The following TFCP2L1 variants were observed in gnomAD, a reference collection of about 807,000 sequenced individuals.
TFCP2L1 encodes transcription factor CP2-like protein 1.
In TFCP2L1, 12 loss-of-function variants were observed where a neutral mutation model predicts 72.2. That is an observed-to-expected ratio of 0.17 (90% CI 0.11 to 0.27). TFCP2L1 has a LOEUF of 0.27. Ranked by LOEUF, TFCP2L1 falls within the 10% of genes least tolerant of loss-of-function variation. The probability of loss-of-function intolerance (pLI) is 1.00; values close to 1 mark genes in which losing one functional copy is unlikely to be tolerated. For missense variants in TFCP2L1, 488 were observed against 624.6 expected (o/e 0.78, Z 2.33); for synonymous variants, 260 against 251.0 (o/e 1.04, Z -0.34).
At chr2:121,278,689 G>GAAGA (rs1304462369) in intron 2 of TFCP2L1, among the ~76,000 whole-genome samples, 1 of 121,754 alleles carries the variant, frequency 8.2e-6, no homozygotes, top group Non-Finnish European at 1.7e-5. Flanking sequence ...GTCTCAAAAA[G>GAAGA]AAGAAAGAAA....
intron 2 of TFCP2L1, among the ~76,000 whole-genome samples, chr2:121,275,347 C>T (rs1181449573): frequency 7.9e-5 from 11 of 138,950 alleles, no homozygotes; most frequent in Non-Finnish European, 1.2e-4. Context: ...GGCAGTGAGC[C>T]GAGATCGCGC....
In TFCP2L1 at chr2:121,285,174, A is replaced by G. The variant is rs13415738; in HGVS notation, c.-65T>C. ...AGCGCAGACGCGGGGCGCGCCGAGG[A>G]CCCAGCGGCGGCTTCGCGCTCCGAA... On this transcript the variant is annotated 5_prime_UTR_variant, in exon 1 of 15. Coordinates refer to ENST00000263707, the MANE Select transcript of TFCP2L1 (RefSeq NM_014553.3). 1.5e-6 allele frequency: 2 copies of G among 1,343,604 alleles called. No homozygotes were observed. Among genetic ancestry groups the G allele is most frequent in the Admixed American group, 3.7e-5 (1 of 27,164 alleles). The allele number at this position is 1,343,604 out of a possible 1,614,324, so 83.2% of individuals were successfully genotyped here.
In TFCP2L1 at chr2:121,223,359, G is replaced by C. The variant is rs1331525677; in HGVS notation, c.*982C>G. The stretch of plus-strand genomic sequence containing the variant: ...CCTAAACATAGCCTCTACAAACAAA[G>C]ATAAACATGTAAGTGAGGGGCACTC... On this transcript the variant is annotated 3_prime_UTR_variant, in exon 15 of 15. Transcript: ENST00000263707. The C allele has an allele frequency of 6.6e-6, 1 of 152,170 alleles. No individual in the cohort carries two copies. Among genetic ancestry groups the C allele is most frequent in the East Asian group, 1.9e-4 (1 of 5,192 alleles). 9.4% of individuals were successfully genotyped at this position (152,170 alleles called of 1,614,324 possible). A position where few individuals can be genotyped will look rare whatever the true frequency, so the allele number is the denominator to read the frequency against.
chr2:121,231,739 C>A, intron 13 of TFCP2L1, 87 bp downstream of exon 13: 1 of 1,552,710 alleles, frequency 6.4e-7, no homozygotes, highest in Non-Finnish European at 8.7e-7. Flanking sequence ...CACTCCCAAA[C>A]CCAAGTGTGT....
At chr2:121,246,151 T>A (rs1005536229) in intron 6 of TFCP2L1, among the ~76,000 whole-genome samples, 1 of 152,178 alleles carries the variant, frequency 6.6e-6, no homozygotes, top group African/African-American at 2.4e-5. Context: ...ATTGCCCTCA[T>A]GCCCTGAGAA....
rs1685974495 is a variant in TFCP2L1, at chr2:121,224,011, C to A, written c.*330G>T. On this transcript the variant is annotated 3_prime_UTR_variant, in exon 15 of 15. Coordinates refer to ENST00000263707, the MANE Select transcript of TFCP2L1 (RefSeq NM_014553.3). The stretch of plus-strand genomic sequence containing the variant: ...AGGCAGCACCAAGATACCCAATCAG[C>A]TTCCAACTAAGGGATGAGGGATTTC... 2 of 361,706 alleles carry A rather than the reference C, an allele frequency of 5.5e-6. No individual in the cohort carries two copies. The highest frequency in any genetic ancestry group is 1.0e-5 in the Non-Finnish European group (2 of 195,866). 22.4% of individuals were successfully genotyped at this position (361,706 alleles called of 1,614,324 possible). A position where few individuals can be genotyped will look rare whatever the true frequency, so the allele number is the denominator to read the frequency against.
chr2:121,271,992 T>C (rs552371697), intron 2 of TFCP2L1, among the ~76,000 whole-genome samples: 1 of 152,246 alleles, frequency 6.6e-6, no homozygotes, highest in African/African-American at 2.4e-5. Context: ...CAAAGCTTCA[T>C]CCACCCTCCC....
At chr2:121,246,483 C>A (rs899403829) in intron 6 of TFCP2L1, among the ~76,000 whole-genome samples, 1 of 128,548 alleles carries the variant, frequency 7.8e-6, no homozygotes, top group Non-Finnish European at 1.7e-5. Flanking sequence ...CTGTAATGTG[C>A]TTGGGAGAAA....
Position 121,285,077 on chromosome 2 carries a change from G to A in TFCP2L1, c.33C>T (p.Tyr11=). 3 of 1,525,992 alleles carry A rather than the reference G, an allele frequency of 2.0e-6. No homozygotes were observed. Among genetic ancestry groups the A allele is most frequent in the Non-Finnish European group, 1.8e-6 (2 of 1,139,458 alleles). 94.5% of individuals were successfully genotyped at this position (1,525,992 alleles called of 1,614,324 possible). MLFWHTQPEH[Y]NQHNSGSYLR... ...GGTAGCTGCCGGAGTTGTGCTGGTT[G>A]TAGTGCTCGGGCTGCGTGTGCCAGA... is the stretch of plus-strand genomic sequence containing the variant. Residue 11 remains tyrosine (Y), a synonymous_variant, in exon 1 of 15, where the codon TAC becomes TAT. Coordinates refer to ENST00000263707, the MANE Select transcript of TFCP2L1 (RefSeq NM_014553.3).
rs1233144235 is a variant in TFCP2L1, at chr2:121,223,835, C to T, written c.*506G>A. On this transcript the variant is annotated 3_prime_UTR_variant, in exon 15 of 15. Coordinates refer to ENST00000263707, the MANE Select transcript of TFCP2L1 (RefSeq NM_014553.3). ...AGGGTCACTGAGAAGGGAAGCAAAC[C>T]TGAAACAGGAGAATGAGGGCAAACT... is the stretch of plus-strand genomic sequence containing the variant. 6.1e-6 allele frequency: 1 copy of T among 163,626 alleles called. No homozygotes were observed. Among genetic ancestry groups the T allele is most frequent in the Non-Finnish European group, 1.4e-5 (1 of 73,800 alleles). 10.1% of individuals were successfully genotyped at this position (163,626 alleles called of 1,614,324 possible).
At position 121,221,859 on chromosome 2, in the gene TFCP2L1, T is replaced by TA. The variant is rs1377769145; in HGVS notation, c.*2481dup. On this transcript the variant is annotated 3_prime_UTR_variant, in exon 15 of 15. Coordinates refer to ENST00000263707, the MANE Select transcript of TFCP2L1 (RefSeq NM_014553.3). ...ACATTTTTACCAGTCATATACCTGA[T>TA]AAAAGACTGGCGTCTAGAATATACA... 1.3e-5 allele frequency: 2 copies of TA among 152,020 alleles called. No homozygotes were observed. Among genetic ancestry groups the TA allele is most frequent in the Non-Finnish European group, 2.9e-5 (2 of 68,024 alleles). 9.4% of individuals were successfully genotyped at this position (152,020 alleles called of 1,614,324 possible).
At chr2:121,246,490 G>GGA (rs397703160) in intron 6 of TFCP2L1, among the ~76,000 whole-genome samples, 1 of 59,656 alleles carries the variant, frequency 1.7e-5, no homozygotes, top group Non-Finnish European at 3.5e-5. Context: ...GTGCTTGGGA[G>GGA]AAAAAAAAGC....
intron 2 of TFCP2L1, among the ~76,000 whole-genome samples, chr2:121,272,505 C>T (rs1013214856): frequency 2.0e-5 from 3 of 152,102 alleles, no homozygotes; most frequent in Non-Finnish European, 2.9e-5. Flanking sequence ...GAAGAATGAA[C>T]GGAAAAGTGA....
intron 13 of TFCP2L1, among the ~76,000 whole-genome samples, chr2:121,228,342 G>A (rs966787970): frequency 6.6e-6 from 1 of 151,994 alleles, no homozygotes; most frequent in Non-Finnish European, 1.5e-5. Context: ...ACAAGCCTTC[G>A]GTGACACTAC....
At chr2:121,260,494 A>G (rs1228798631) in intron 2 of TFCP2L1, among the ~76,000 whole-genome samples, 2 of 152,162 alleles carry the variant, frequency 1.3e-5, no homozygotes, top group Admixed American at 6.5e-5. Context: ...GCGCCCTCCT[A>G]CGGAGCCCTA....
In TFCP2L1 at chr2:121,218,103, C is replaced by T. The variant is rs1685865862; in HGVS notation, c.*6238G>A. 6.6e-6 allele frequency: 1 copy of T among 152,202 alleles called. No homozygotes were observed. The highest frequency in any genetic ancestry group is 2.4e-5 in the African/African-American group (1 of 41,442). 9.4% of individuals were successfully genotyped at this position (152,202 alleles called of 1,614,324 possible). A position where few individuals can be genotyped will look rare whatever the true frequency, so the allele number is the denominator to read the frequency against. On this transcript the variant is annotated 3_prime_UTR_variant, in exon 15 of 15. Transcript: ENST00000263707. ...GGATGGAGGTAATGGAGGTCTGGCT[C>T]AGTAGTCAGCAGACTTTTTCTGTAA...
intron 2 of TFCP2L1, among the ~76,000 whole-genome samples, chr2:121,266,954 T>C (rs894535669): frequency 7.9e-5 from 12 of 151,920 alleles, no homozygotes; most frequent in African/African-American, 2.9e-4. Flanking sequence ...ACCCTGTTGC[T>C]CAGACTGGAG....
At chr2:121,232,878 CGGCAACCCAG>C (rs1558727709) in intron 12 of TFCP2L1, among the ~76,000 whole-genome samples, 1 of 152,154 alleles carries the variant, frequency 6.6e-6, no homozygotes, top group Non-Finnish European at 1.5e-5. Flanking sequence ...CAAATGCCAC[CGGCAACCCAG>C]GGTGGGTTAC....
intron 2 of TFCP2L1, among the ~76,000 whole-genome samples, chr2:121,263,138 T>C (rs1423505996): frequency 6.6e-6 from 1 of 152,206 alleles, no homozygotes; most frequent in East Asian, 1.9e-4. Flanking sequence ...TTTCTCCACG[T>C]TGATCAGGCT....
Sources: allele counts gnomAD v4.1 joint callset (sites outside exome capture counted in the v4.1 genomes callset), GRCh38; gene constraint gnomAD v4.1.1; transcripts MANE v1.5; gene names NCBI Gene and HGNC (gene_info 2026-07-23, HGNC 2026-07-21).